CASZ1: variants seen among roughly 807,000 people sequenced by gnomAD.
CASZ1 encodes zinc finger protein castor homolog 1.
In CASZ1, 28 loss-of-function variants were observed where a neutral mutation model predicts 135.2. That is an observed-to-expected ratio of 0.21 (90% CI 0.15 to 0.28). The LOEUF (loss-of-function observed/expected upper bound fraction) is 0.28, where lower values mean the gene tolerates loss of function less well. Among genes scored for constraint, CASZ1 ranks in the 10% least tolerant of loss-of-function variants. The probability of loss-of-function intolerance (pLI) is 1.00; values close to 1 mark genes in which losing one functional copy is unlikely to be tolerated. For missense variants in CASZ1, 2,161 were observed against 2,453.3 expected, an observed-to-expected ratio of 0.88 and a Z score of 2.52; for synonymous variants, 1,068 against 1,073.4, an observed-to-expected ratio of 0.99 and a Z score of 0.10.
At chr1:10,744,966 G>A (rs205489) in intron 2 of CASZ1, among the ~76,000 whole-genome samples, 11,358 of 152,172 alleles carry the variant, frequency 0.075, 1,331 homozygotes, top group African/African-American at 0.25. Context: ...CAAGTCCCCA[G>A]CAACCGGCGA....
intron 3 of CASZ1, among the ~76,000 whole-genome samples, chr1:10,702,713 C>T (rs1357303434): frequency 6.6e-6 from 1 of 152,124 alleles, no homozygotes; most frequent in Non-Finnish European, 1.5e-5. Flanking sequence ...CATTCCACTG[C>T]CCCACCCCTG....
chr1:10,659,436 C>T (rs1642921088), intron 6 of CASZ1, among the ~76,000 whole-genome samples: 2 of 152,210 alleles, frequency 1.3e-5, no homozygotes, highest in African/African-American at 2.4e-5. Flanking sequence ...GAGGTGCACG[C>T]GCAGGTCCAG....
At position 10,647,658 on chromosome 1, in the gene CASZ1, C is replaced by T. The variant is rs1178405595; in HGVS notation, c.3497+143G>A. ...GCAGCAGCATCTTTGGCTAGAAGGA[C>T]ATCACCCGATGGCCATGCCCCAGAG... On this transcript the variant is annotated intron_variant, in intron 16 of 20. Transcript: ENST00000377022. The surrounding 1 kb of genome is among the most constrained non-coding windows in gnomAD (Gnocchi z 4.9). 1 of 1,482,418 alleles carries T rather than the reference C, an allele frequency of 6.7e-7. No homozygotes were observed. Among genetic ancestry groups the T allele is most frequent in the African/African-American group, 1.4e-5 (1 of 71,848 alleles). 91.8% of individuals were successfully genotyped at this position (1,482,418 alleles called of 1,614,324 possible).
rs1390150968 is a variant in CASZ1 at position 10,720,988 on chromosome 1, G to A, written c.-76-15444C>T. Reference sequence around the variant, plus strand: ...GCTCAGGGCCACAACCGGCTCTGGAGGGAGGGATTTAAGAGCAAAGCCACA... The same window carrying A: ...GCTCAGGGCCACAACCGGCTCTGGAAGGAGGGATTTAAGAGCAAAGCCACA... On this transcript the variant is annotated intron_variant, in intron 2 of 20. Coordinates refer to ENST00000377022, the MANE Select transcript of CASZ1 (RefSeq NM_001079843.3). The surrounding 1 kb of genome is among the most constrained non-coding windows in gnomAD (Gnocchi z 5.7). Among the ~76,000 whole-genome samples, 1 of 152,226 alleles carries A rather than the reference G, an allele frequency of 6.6e-6. No individual in the cohort carries two copies. Among genetic ancestry groups the A allele is most frequent in the African/African-American group, 2.4e-5 (1 of 41,468 alleles).
chr1:10,690,547 G>A lies in CASZ1; in HGVS notation c.16+3327C>T, dbSNP rs61776330. On this transcript the variant is annotated intron_variant, in intron 4 of 20. Transcript: ENST00000377022. ...GCTGTCTGCGATGGGGGATCTGCTG[G>A]CAATGCAAGGGGGTCCTGGCCTGGA... is the stretch of plus-strand genomic sequence containing the variant. 3.9e-3 allele frequency among the ~76,000 whole-genome samples: 600 copies of A among 152,298 alleles called. 3 individuals are homozygous for A. Among genetic ancestry groups the A allele is most frequent in the African/African-American group, 0.014 (564 of 41,558 alleles).
chr1:10,659,962 G>A lies in CASZ1; in HGVS notation c.1080C>T (p.Gly360=), dbSNP rs759627564. ...TGCCTGTCTTGAAGGCGATGGCCCC[G>A]CCCATGTCGGGGCTGCCCTCCCCGG... ...FKPGEGSPDM[G]GAIAFKTGKV... is the part of the protein sequence containing the mutation. The change falls in exon 6 of 21, where the codon GGC becomes GGT. Residue 360 remains glycine, a synonymous_variant. Transcript: ENST00000377022. 3.6e-5 allele frequency: 58 copies of A among 1,613,032 alleles called. 3 individuals are homozygous for A. Among genetic ancestry groups the A allele is most frequent in the South Asian group, 3.2e-4 (29 of 91,094 alleles).
chr1:10,761,365 A>C (rs974718699), intron 1 of CASZ1, among the ~76,000 whole-genome samples: 1 of 152,218 alleles, frequency 6.6e-6, no homozygotes, highest in African/African-American at 2.4e-5. Context: ...GGGAGCCTCT[A>C]TAAAAGGAAT....
At chr1:10,640,129 C>T in intron 20 of CASZ1, 70 bp from the exon 21 acceptor site, 1 of 1,528,236 alleles carries the variant, frequency 6.5e-7, no homozygotes. Context: ...GTTACACCCA[C>T]ATGGGACCCC....
intron 4 of CASZ1, among the ~76,000 whole-genome samples, chr1:10,691,385 C>G (rs564971633): frequency 6.6e-6 from 1 of 152,312 alleles, no homozygotes; most frequent in South Asian, 2.1e-4. Flanking sequence ...CTTCTGTCCC[C>G]TCCTGAGAAG....
chr1:10,662,427 CAT>C (rs1468142145), intron 5 of CASZ1, among the ~76,000 whole-genome samples: 1 of 152,054 alleles, frequency 6.6e-6, no homozygotes, highest in African/African-American at 2.4e-5. Context: ...ACAATACACA[CAT>C]GCCTTATTAC....
chr1:10,755,619 TC>T lies in CASZ1; in HGVS notation c.-77+5081del, dbSNP rs1350725886. Among the ~76,000 whole-genome samples, 3 of 152,074 alleles carry T rather than the reference TC, an allele frequency of 2.0e-5. No homozygotes were observed. The highest frequency in any genetic ancestry group is 4.4e-5 in the Non-Finnish European group (3 of 67,998). On this transcript the variant is annotated intron_variant, in intron 2 of 20. Coordinates refer to ENST00000377022, the MANE Select transcript of CASZ1 (RefSeq NM_001079843.3). The surrounding 1 kb of genome is among the most constrained non-coding windows in gnomAD (Gnocchi z 4.3). ...CCGTGCATGGCGAGATGCGGGGTTT[TC>T]CTGCATCTGCTCCGAAGGCAGGGGG...
intron 5 of CASZ1, among the ~76,000 whole-genome samples, chr1:10,664,433 C>G (rs1020285393): frequency 6.6e-6 from 1 of 152,156 alleles, no homozygotes; most frequent in Non-Finnish European, 1.5e-5. Context: ...CTCAGTGCCT[C>G]GTGGGAGAGA....
At chr1:10,715,742 GCTCCC>G (rs1639372059) in intron 2 of CASZ1, among the ~76,000 whole-genome samples, 1 of 75,260 alleles carries the variant, frequency 1.3e-5, no homozygotes, top group Non-Finnish European at 2.6e-5. Flanking sequence ...CACCCAATCC[GCTCCC>G]CACAGCACCC....
intron 4 of CASZ1, among the ~76,000 whole-genome samples, chr1:10,683,925 G>A (rs4845841): frequency 0.017 from 2,658 of 152,320 alleles, 67 homozygotes; most frequent in Admixed American, 0.02. Flanking sequence ...CAGGCAGCAC[G>A]GTAGATACCT....
At chr1:10,702,298 C>G (rs1171868961) in intron 3 of CASZ1, among the ~76,000 whole-genome samples, 1 of 152,186 alleles carries the variant, frequency 6.6e-6, no homozygotes, top group African/African-American at 2.4e-5. Context: ...GGAGCGCGCC[C>G]AGCTTCCAGA....
rs1254018627 is a variant in CASZ1 at position 10,774,785 on chromosome 1, G to C, written c.-233-13928C>G. On this transcript the variant is annotated intron_variant, in intron 1 of 20. Transcript: ENST00000377022. This position sits in a 1 kb window ranked among gnomAD's most constrained non-coding sequence, Gnocchi z 4.4. ...TGAGCCCTCCCTCCTCTGTCCCAGC[G>C]CCAAGTTCCCTGCAACCCACAAGCA... 6.6e-6 allele frequency among the ~76,000 whole-genome samples: 1 copy of C among 151,964 alleles called. No homozygotes were observed. Among genetic ancestry groups the C allele is most frequent in the South Asian group, 2.1e-4 (1 of 4,804 alleles).
At chr1:10,732,450 A>T (rs1180121816) in intron 2 of CASZ1, among the ~76,000 whole-genome samples, 1 of 152,104 alleles carries the variant, frequency 6.6e-6, no homozygotes, top group Non-Finnish European at 1.5e-5. Context: ...GTCTTGGGGA[A>T]CTAGGGGCAG....
At chr1:10,744,376 C>G (rs982685783) in intron 2 of CASZ1, among the ~76,000 whole-genome samples, 1 of 147,868 alleles carries the variant, frequency 6.8e-6, no homozygotes, top group Middle Eastern at 3.2e-3. Context: ...CTGGGCACCA[C>G]GAGCAGGCAT....
chr1:10,761,286 A>G (rs368691125), intron 1 of CASZ1, among the ~76,000 whole-genome samples: 17 of 152,236 alleles, frequency 1.1e-4, no homozygotes, highest in Non-Finnish European at 2.1e-4. Flanking sequence ...GGGCTCCCCA[A>G]CGCCTGCTCC....
Sources: gnomAD v4.1 joint callset for allele counts (sites outside exome capture counted in the v4.1 genomes callset) on GRCh38, gnomAD v4.1.1 for gene constraint, Gnocchi (gnomAD v3.1) non-coding constraint, MANE v1.5 for transcripts, NCBI Gene and HGNC (gene_info 2026-07-23, HGNC 2026-07-21) for gene names.